The following SLC34A2 variants were observed in gnomAD, a reference collection of about 807,000 sequenced individuals.
The protein encoded by SLC34A2 is solute carrier family 34 member 2, also known as sodium-dependent phosphate transport protein 2B.
A neutral mutation model predicts 50.8 loss-of-function variants in SLC34A2; 41 were observed. That is an observed-to-expected ratio of 0.81 (90% CI 0.63 to 1.05). The LOEUF is 1.05. Ranked by LOEUF, SLC34A2 falls within the 50% of genes least tolerant of loss-of-function variation. The pLI is 0.00. For synonymous variants in SLC34A2, 401 were observed against 364.2 expected (o/e 1.10, Z -1.15); for missense variants, 879 against 876.7 (o/e 1.00, Z -0.03).
chr4:25,677,028 T>A lies in SLC34A2; in HGVS notation c.*279T>A. On this transcript the variant is annotated 3_prime_UTR_variant, in exon 13 of 13. Coordinates refer to ENST00000382051, the MANE Select transcript of SLC34A2 (RefSeq NM_006424.3). ...GAATGAACCTGGCGGGACGGATGTCTAATCCTGCGCCTAGCTGGGTTGGTC... is the reference window on the plus strand; with the variant it reads ...GAATGAACCTGGCGGGACGGATGTCAAATCCTGCGCCTAGCTGGGTTGGTC... 1 of 501,828 alleles carries A rather than the reference T, an allele frequency of 2.0e-6. No homozygotes were observed. Among genetic ancestry groups the A allele is most frequent in the South Asian group, 2.4e-5 (1 of 41,592 alleles). The allele number at this position is 501,828 out of a possible 1,614,324, so 31.1% of individuals were successfully genotyped here.
At chr4:25,667,260 C>T (rs540710484) in intron 5 of SLC34A2, among the ~76,000 whole-genome samples, 1 of 152,162 alleles carries the variant, frequency 6.6e-6, no homozygotes, top group Non-Finnish European at 1.5e-5. Flanking sequence ...GCCTATAATC[C>T]CAGCACTCTG....
Position 25,673,085 on chromosome 4 carries a change from A to T in SLC34A2, c.1049-2A>T, listed in dbSNP as rs1714903247. 1 of 1,614,024 alleles carries T rather than the reference A, an allele frequency of 6.2e-7. No individual in the cohort carries two copies. The highest frequency in any genetic ancestry group is 1.3e-5 in the African/African-American group (1 of 74,920). ...CTGACAAGATTCTTTGTGGTCTTTC[A>T]GGCCAGCATATCTTTGTGAATTTCC... On this transcript the variant is annotated splice_acceptor_variant, in intron 9 of 12. Coordinates refer to ENST00000382051, the MANE Select transcript of SLC34A2 (RefSeq NM_006424.3). LOFTEE classifies it high-confidence loss of function.
intron 6 of SLC34A2, among the ~76,000 whole-genome samples, chr4:25,668,641 A>G: frequency 1.1e-5 from 1 of 92,480 alleles, no homozygotes; most frequent in South Asian, 2.9e-4. Context: ...GACTCCATCT[A>G]AAAAAAAAAA....
chr4:25,666,061 T>C, intron 4 of SLC34A2, 67 bp from the exon 5 acceptor site: 1 of 1,595,700 alleles, frequency 6.3e-7, no homozygotes, highest in Non-Finnish European at 8.5e-7. Context: ...TTCTGTTTAC[T>C]CAGTGCCCAC....
chr4:25,662,057 A>G (rs986868992), intron 1 of SLC34A2, among the ~76,000 whole-genome samples: 1 of 152,004 alleles, frequency 6.6e-6, no homozygotes, highest in African/African-American at 2.4e-5. Context: ...TTTTTAGTAG[A>G]GATGGGGTTT....
At chr4:25,675,249 T>C (rs1325476928) in intron 12 of SLC34A2, among the ~76,000 whole-genome samples, 2 of 152,196 alleles carry the variant, frequency 1.3e-5, no homozygotes, top group Admixed American at 6.5e-5. Flanking sequence ...GCCAGGCTGG[T>C]CTTGAACTCT....
intron 6 of SLC34A2, among the ~76,000 whole-genome samples, chr4:25,669,247 G>A (rs1714681023): frequency 6.6e-6 from 1 of 152,058 alleles, no homozygotes; most frequent in Admixed American, 6.6e-5. Flanking sequence ...ACCGCTTTGG[G>A]GATTTATGAT....
At position 25,669,657 on chromosome 4, in the gene SLC34A2, G is replaced by A; in HGVS notation, c.646G>A (p.Gly216Arg). Residue 216 changes from glycine (G) to arginine (R), a missense_variant, in exon 7 of 13, where the codon GGA (glycine) becomes AGA (arginine). Coordinates refer to ENST00000382051, the MANE Select transcript of SLC34A2 (RefSeq NM_006424.3). ...DRSEFRRAFA[G>R]ATVHDFFNWL... ...GTTTCCCTCCCATAGAGCTTTTGCA[G>A]GAGCCACTGTCCATGACTTCTTCAA... 1.2e-6 allele frequency: 2 copies of A among 1,613,980 alleles called. No individual in the cohort carries two copies. The highest frequency in any genetic ancestry group is 1.7e-6 in the Non-Finnish European group (2 of 1,180,032).
Position 25,667,957 on chromosome 4 carries a change from C to A in SLC34A2, c.601C>A (p.Leu201Ile). The A allele has an allele frequency of 3.1e-6, 5 of 1,613,700 alleles. No homozygotes were observed. Among genetic ancestry groups the A allele is most frequent in the Non-Finnish European group, 4.2e-6 (5 of 1,179,604 alleles). ...GTCAATCACCAACACTATTGTTGCG[C>A]TCATGCAGGTGGGAGATCGGAGTGA... ...GTSITNTIVA[L>I]MQVGDRSEFR... The change falls in exon 6 of 13, where the codon CTC becomes ATC. Residue 201 changes from leucine (L) to isoleucine (I), a missense_variant. By Grantham distance (5) the Leu-to-Ile change is conservative (BLOSUM62 2). Transcript: ENST00000382051.
Position 25,674,329 on chromosome 4 carries a change from AC to A in SLC34A2, c.1252del (p.Leu418TrpfsTer9). The A allele has an allele frequency of 6.2e-7, 1 of 1,614,034 alleles. No individual in the cohort carries two copies. The highest frequency in any genetic ancestry group is 8.5e-7 in the Non-Finnish European group (1 of 1,179,998). On this transcript the variant is annotated frameshift_variant, in exon 11 of 13. Coordinates refer to ENST00000382051, the MANE Select transcript of SLC34A2 (RefSeq NM_006424.3). LOFTEE classifies it high-confidence loss of function. ...TTTCCCTTTGCATGGTTGACTGGCT[AC>A]CTGGCCATCCTCGTCGGGGCAGGCA... ...FPFPFAWLTGYLAILVGAGMT... is the reference protein window; with the variant it reads ...FPFPFAWLTGXLAILVGAGMT...
rs756835851 is a variant in SLC34A2 at position 25,676,468 on chromosome 4, C to T, written c.1792C>T (p.Arg598Cys). 3 of 1,614,174 alleles carry T rather than the reference C, an allele frequency of 1.9e-6. No homozygotes were observed. The highest frequency in any genetic ancestry group is 1.3e-5 in the African/African-American group (1 of 75,044). ...QNWNFLPLWMRSLKPWDAVVS... is the reference protein window; with the variant it reads ...QNWNFLPLWMCSLKPWDAVVS... Reference sequence around the variant, plus strand: ...CTGGAACTTCCTGCCGCTGTGGATGCGCTCGCTGAAGCCCTGGGATGCCGT... The same window carrying T: ...CTGGAACTTCCTGCCGCTGTGGATGTGCTCGCTGAAGCCCTGGGATGCCGT... Residue 598 changes from arginine to cysteine, a missense_variant, in exon 13 of 13, where the codon CGC (arginine) becomes TGC (cysteine). Physicochemically the swap from Arg to Cys is radical, Grantham distance 180. Coordinates refer to ENST00000382051, the MANE Select transcript of SLC34A2 (RefSeq NM_006424.3).
intron 3 of SLC34A2, 133 bp downstream of exon 3, chr4:25,662,975 C>G: frequency 9.3e-7 from 1 of 1,075,728 alleles, no homozygotes; most frequent in East Asian, 2.6e-5. Flanking sequence ...GGATGTCACC[C>G]TCTCATCTTT....
chr4:25,666,400 C>A, intron 5 of SLC34A2, 129 bp downstream of exon 5: 2 of 1,039,482 alleles, frequency 1.9e-6, no homozygotes, highest in Non-Finnish European at 2.8e-6. Flanking sequence ...TGGTATCTTG[C>A]CCCAGCTACA....
At chr4:25,665,367 G>A (rs765908994) in intron 4 of SLC34A2, among the ~76,000 whole-genome samples, 1 of 151,796 alleles carries the variant, frequency 6.6e-6, no homozygotes, top group Admixed American at 6.6e-5. Flanking sequence ...GGGTTTCTCC[G>A]TGTTGGTCAG....
chr4:25,669,933 C>T (rs533044518), intron 7 of SLC34A2, 91 bp downstream of exon 7: 2 of 1,173,714 alleles, frequency 1.7e-6, no homozygotes, highest in Admixed American at 1.7e-5. Flanking sequence ...GTCTACAACA[C>T]TATTCTGGGC....
In SLC34A2 at chr4:25,674,492, G is replaced by GTGTTTTT; in HGVS notation, c.1334-8_1334-7insTTTGTTT. The GTGTTTTT allele has an allele frequency of 6.2e-7, 1 of 1,614,170 alleles. No individual in the cohort carries two copies. Among genetic ancestry groups the GTGTTTTT allele is most frequent in the Non-Finnish European group, 8.5e-7 (1 of 1,180,036 alleles). On this transcript the variant is annotated splice_polypyrimidine_tract_variant and intron_variant, in intron 11 of 12. Coordinates refer to ENST00000382051, the MANE Select transcript of SLC34A2 (RefSeq NM_006424.3). Reference sequence around the variant, plus strand: ...CATGGGGCTGATATGTTTGTGTTTTGTGTTTCCCCCAGGAATCGGCGTGAT... The same window carrying GTGTTTTT: ...CATGGGGCTGATATGTTTGTGTTTTGTGTTTTTTGTTTCCCCCAGGAATCGGCGTGAT...
At chr4:25,671,472 C>T in intron 8 of SLC34A2, 129 bp from the exon 9 acceptor site, 1 of 1,076,820 alleles carries the variant, frequency 9.3e-7, no homozygotes, top group Non-Finnish European at 1.4e-6. Flanking sequence ...GAGAAAAGAA[C>T]TGTTCTGTTG....
rs147814866 is a variant in SLC34A2 at position 25,659,568 on chromosome 4, C to T, written c.-3-2930C>T. 4.6e-3 allele frequency among the ~76,000 whole-genome samples: 703 copies of T among 152,128 alleles called. 6 individuals are homozygous for T. The highest frequency in any genetic ancestry group is 0.016 in the African/African-American group (660 of 41,510). ...TGTCATGAACAATAAACAAGAGTTCCGAGTGTTTACTCTGCCAGGCACCAT... is the reference window on the plus strand; with the variant it reads ...TGTCATGAACAATAAACAAGAGTTCTGAGTGTTTACTCTGCCAGGCACCAT... On this transcript the variant is annotated intron_variant, in intron 1 of 12. Coordinates refer to ENST00000382051, the MANE Select transcript of SLC34A2 (RefSeq NM_006424.3).
rs78014890 is a variant in SLC34A2 at position 25,666,571 on chromosome 4, C to A, written c.523+300C>A. The stretch of plus-strand genomic sequence containing the variant: ...CATGTGGCAGTTTAATTTTGTTGAA[C>A]CTTAATTGATTTAAAATTAAAATAT... On this transcript the variant is annotated intron_variant, in intron 5 of 12. Coordinates refer to ENST00000382051, the MANE Select transcript of SLC34A2 (RefSeq NM_006424.3). 1.1e-4 allele frequency among the ~76,000 whole-genome samples: 16 copies of A among 152,288 alleles called. 1 individual carries two copies. Among genetic ancestry groups the A allele is most frequent in the Admixed American group, 2.0e-4 (3 of 15,292 alleles).
Sources: gnomAD v4.1 joint callset for allele counts (sites outside exome capture counted in the v4.1 genomes callset) on GRCh38, gnomAD v4.1.1 for gene constraint, MANE v1.5 for transcripts, NCBI Gene and HGNC (gene_info 2026-07-23, HGNC 2026-07-21) for gene names.